Variants in S100Z observed in about 807,000 individuals in gnomAD.
S100Z encodes the protein protein S100-Z.
In S100Z, 11 loss-of-function variants were observed where a neutral mutation model predicts 8.5. The ratio of observed to expected loss-of-function variants is 1.30; its 90% CI spans 0.82 to 2.15. The LOEUF is 2.15. S100Z is among the 30% of genes most tolerant of loss of function. The pLI is 0.00. For missense variants in S100Z, 126 were observed against 117.9 expected, an observed-to-expected ratio of 1.07 and a Z score of -0.32; for synonymous variants, 34 against 43.8, an observed-to-expected ratio of 0.78 and a Z score of 0.89.
intron 1 of S100Z, among the ~76,000 whole-genome samples, chr5:76,864,386 A>ATTTTTTTTTTTTTTTT (rs56206322): frequency 4.2e-5 from 3 of 72,170 alleles, no homozygotes; most frequent in Non-Finnish European, 7.6e-5. Context: ...TGCATACTAT[A>ATTTTTTTTTTTTTTTT]TTTTTTTTTT....
rs897847125 is a variant in S100Z at position 76,850,030 on chromosome 5, A to G, written c.-301A>G. The stretch of plus-strand genomic sequence containing the variant: ...CTGGACCACGCAGACTCAGAACAGC[A>G]CTACTCACAGCAGGGCCTCTTGCTC... On this transcript the variant is annotated 5_prime_UTR_variant, in exon 1 of 5. Coordinates refer to ENST00000317593, the MANE Select transcript of S100Z (RefSeq NM_130772.4). The G allele has an allele frequency of 6.6e-6, 1 of 152,238 alleles. No homozygotes were observed. The highest frequency in any genetic ancestry group is 1.5e-5 in the Non-Finnish European group (1 of 68,086). 9.4% of individuals were successfully genotyped at this position (152,238 alleles called of 1,614,324 possible).
chr5:76,878,837 T>G (rs906121091), intron 4 of S100Z, among the ~76,000 whole-genome samples: 36 of 152,060 alleles, frequency 2.4e-4, no homozygotes, highest in African/African-American at 8.5e-4. Flanking sequence ...GCTGAATTGG[T>G]TAAGTATTTT....
the S100Z span, among the ~76,000 whole-genome samples, chr5:76,935,357 C>T: frequency 6.6e-6 from 1 of 152,180 alleles, no homozygotes; most frequent in Non-Finnish European, 1.5e-5. Flanking sequence ...AATATGATTA[C>T]TAATTTGACA....
At chr5:76,939,511 GTTTAACT>G in the S100Z span, among the ~76,000 whole-genome samples, 1 of 42,714 alleles carries the variant, frequency 2.3e-5, no homozygotes, top group African/African-American at 7.8e-5. Flanking sequence ...CAAAATTGGT[GTTTAACT>G]TTTTTTTTTT....
intron 4 of S100Z, among the ~76,000 whole-genome samples, chr5:76,916,420 A>G (rs370212075): frequency 5.3e-5 from 8 of 152,160 alleles, no homozygotes; most frequent in African/African-American, 1.9e-4. Context: ...AAGAAATAAC[A>G]TGACCATCAA....
the S100Z span, among the ~76,000 whole-genome samples, chr5:76,952,409 A>C: frequency 6.6e-6 from 1 of 152,276 alleles, no homozygotes; most frequent in Admixed American, 6.5e-5. Flanking sequence ...CCCTGACACC[A>C]GAGTTAGTTT....
intron 4 of S100Z, among the ~76,000 whole-genome samples, chr5:76,890,086 C>T (rs1369008640): frequency 3.3e-5 from 5 of 152,336 alleles, no homozygotes; most frequent in Admixed American, 1.3e-4. Flanking sequence ...TGCAGTGGCA[C>T]AATCTCGGCT....
chr5:76,938,122 A>AC, the S100Z span, among the ~76,000 whole-genome samples: 2 of 150,118 alleles, frequency 1.3e-5, no homozygotes, highest in Non-Finnish European at 3.0e-5. Context: ...AAAAAAACAA[A>AC]AAAAGAAATG....
chr5:76,910,122 T>C (rs1186464822), intron 4 of S100Z, among the ~76,000 whole-genome samples: 1 of 152,172 alleles, frequency 6.6e-6, no homozygotes. Context: ...GAAAAGCCCA[T>C]GAATTATTCA....
At chr5:76,919,499 C>T (rs992914580) in intron 4 of S100Z, among the ~76,000 whole-genome samples, 1 of 151,808 alleles carries the variant, frequency 6.6e-6, no homozygotes, top group African/African-American at 2.4e-5. Flanking sequence ...GGTGAGGTAT[C>T]TGTTCAGGTC....
At chr5:76,863,831 C>A (rs973033384) in intron 1 of S100Z, among the ~76,000 whole-genome samples, 23 of 152,200 alleles carry the variant, frequency 1.5e-4, no homozygotes, top group African/African-American at 4.8e-4. Flanking sequence ...AGCCACTGCG[C>A]CCGGCCAATT....
rs141545735 is a variant in S100Z, at chr5:76,854,611, A to C, written c.-176+4456A>C. Among the ~76,000 whole-genome samples the C allele has an allele frequency of 5.4e-3, 819 of 152,370 alleles. 11 individuals are homozygous for C. The highest frequency in any genetic ancestry group is 0.019 in the African/African-American group (779 of 41,588). ...GCCTATGCCCGTTACAGGAGCAAAG[A>C]AATGACCAGAAACTGGAACTTATAT... On this transcript the variant is annotated intron_variant, in intron 1 of 4. Coordinates refer to ENST00000317593, the MANE Select transcript of S100Z (RefSeq NM_130772.4).
At chr5:76,873,291 T>C (rs1307124568) in intron 2 of S100Z, among the ~76,000 whole-genome samples, 1 of 151,650 alleles carries the variant, frequency 6.6e-6, no homozygotes, top group East Asian at 1.9e-4. Context: ...CCTATATTAC[T>C]TTGACAATAA....
chr5:76,851,521 A>G lies in S100Z; in HGVS notation c.-176+1366A>G, dbSNP rs1183550282. Among the ~76,000 whole-genome samples, 5 of 152,046 alleles carry G rather than the reference A, an allele frequency of 3.3e-5. No individual in the cohort carries two copies. The East Asian group carries it at 5.8e-4, about 18-fold the overall frequency. On this transcript the variant is annotated intron_variant, in intron 1 of 4. Transcript: ENST00000317593. ...GCAACTGATTGCATGAGAGAGAGAGAGGGGCCAGGAATAGCATCATACTCA... is the reference window on the plus strand; with the variant it reads ...GCAACTGATTGCATGAGAGAGAGAGGGGGGCCAGGAATAGCATCATACTCA...
chr5:76,934,958 T>C, the S100Z span, among the ~76,000 whole-genome samples: 15 of 152,232 alleles, frequency 9.9e-5, no homozygotes, highest in Non-Finnish European at 4.4e-5. Flanking sequence ...TGTGGCCCCA[T>C]GAGTCATCCT....
chr5:76,851,143 C>T (rs1750716428), intron 1 of S100Z, among the ~76,000 whole-genome samples: 1 of 152,286 alleles, frequency 6.6e-6, no homozygotes, highest in East Asian at 1.9e-4. Context: ...CGGAGTGCTC[C>T]CAGGAGCTGA....
chr5:76,929,238 C>T, the S100Z span, among the ~76,000 whole-genome samples: 1 of 152,142 alleles, frequency 6.6e-6, no homozygotes, highest in African/African-American at 2.4e-5. Flanking sequence ...TTTTACATGG[C>T]AGAGAGAAGG....
chr5:76,901,818 T>A (rs537072179), intron 4 of S100Z, among the ~76,000 whole-genome samples: 1 of 151,886 alleles, frequency 6.6e-6, no homozygotes, highest in East Asian at 2.0e-4. Flanking sequence ...ATGTGCTGAG[T>A]CTAACCTGAA....
chr5:76,884,438 G>GA (rs1173069075), intron 4 of S100Z, among the ~76,000 whole-genome samples: 2 of 152,132 alleles, frequency 1.3e-5, no homozygotes, highest in African/African-American at 4.8e-5. Flanking sequence ...TTGGGCTGGA[G>GA]AAAAAACTCT....
Sources: gnomAD v4.1 joint callset for allele counts (sites outside exome capture counted in the v4.1 genomes callset) on GRCh38, gnomAD v4.1.1 for gene constraint, MANE v1.5 for transcripts, NCBI Gene and HGNC (gene_info 2026-07-23, HGNC 2026-07-21) for gene names.